Variants in TEX15 observed in about 807,000 individuals in gnomAD.
TEX15 encodes the protein testis-expressed protein 15.
A neutral mutation model predicts 237.3 loss-of-function variants in TEX15; 171 were observed. The ratio of observed to expected loss-of-function variants is 0.72; its 90% confidence interval spans 0.64 to 0.82. The LOEUF (loss-of-function observed/expected upper bound fraction) is 0.82. Among genes scored for constraint, TEX15 ranks in the 40% least tolerant of loss-of-function variants. TEX15 has a pLI of 0.00. For synonymous variants in TEX15, 1,338 were observed against 1,269.8 expected (o/e 1.05, Z -1.14); for missense variants, 3,750 against 3,646.5 (o/e 1.03, Z -0.73).
chr8:30,884,010 C>G (rs1435231390), intron 3 of TEX15, among the ~76,000 whole-genome samples: 4 of 152,096 alleles, frequency 2.6e-5, no homozygotes, highest in Non-Finnish European at 4.4e-5. Context: ...CTCAGCTTCC[C>G]AAGCAGCTAG....
intron 5 of TEX15, among the ~76,000 whole-genome samples, chr8:30,865,803 T>C (rs1808151441): frequency 6.6e-6 from 1 of 152,044 alleles, no homozygotes; most frequent in South Asian, 2.1e-4. Flanking sequence ...CTCAAAACAA[T>C]AAAACTCATA....
rs1807517570 is a variant in TEX15 at position 30,843,624 on chromosome 8, C to T, written c.6543G>A (p.Glu2181=). The change falls in exon 8 of 11, where the codon GAG becomes GAA. Residue 2181 remains glutamate (E), a synonymous_variant. Coordinates refer to ENST00000643185, the MANE Select transcript of TEX15 (RefSeq NM_001350162.2). ...RQVNECEAIM[E]HCSDCFDFSL... ...AAAAATCAAAGCAATCGGAACAATG[C>T]TCCATTATGGCTTCACATTCATTAA... 6.2e-7 allele frequency: 1 copy of T among 1,612,836 alleles called. No homozygotes were observed. Among genetic ancestry groups the T allele is most frequent in the South Asian group, 1.1e-5 (1 of 91,020 alleles).
At chr8:30,840,038 A>G (rs1807414797) in intron 8 of TEX15, 74 bp from the exon 9 acceptor site, 1 of 884,018 alleles carries the variant, frequency 1.1e-6, no homozygotes, top group East Asian at 3.0e-5. Context: ...TTATTTCAAT[A>G]TTAGATATTT....
chr8:30,903,053 C>T (rs1017872708), intron 1 of TEX15, among the ~76,000 whole-genome samples: 3 of 152,168 alleles, frequency 2.0e-5, no homozygotes, highest in Non-Finnish European at 2.9e-5. Context: ...TATGTTGAAT[C>T]AACCAACCTC....
Position 30,889,460 on chromosome 8 carries a change from A to T in TEX15, c.-9-2149T>A, listed in dbSNP as rs541698979. Among the ~76,000 whole-genome samples, 43 of 152,296 alleles carry T rather than the reference A, an allele frequency of 2.8e-4. No individual in the cohort carries two copies. In the East Asian group the frequency reaches 7.7e-3, roughly 27 times the overall value. On this transcript the variant is annotated intron_variant, in intron 2 of 10. Transcript: ENST00000643185. ...GTATGAGACTCCGGCTCAAAGAAAA[A>T]AAAATTACATATTCAAGAAAGCTCA...
intron 1 of TEX15, among the ~76,000 whole-genome samples, chr8:30,911,798 G>A (rs1239307617): frequency 6.6e-6 from 1 of 152,112 alleles, no homozygotes; most frequent in African/African-American, 2.4e-5. Flanking sequence ...CATTCCAAAC[G>A]CGGAAACTCA....
chr8:30,864,347 C>T (rs1054819983), intron 5 of TEX15, among the ~76,000 whole-genome samples: 1 of 147,694 alleles, frequency 6.8e-6, no homozygotes, highest in Non-Finnish European at 1.5e-5. Flanking sequence ...AGCGTAAGAA[C>T]ATATATGCTG....
chr8:30,898,160 C>G (rs1808940766), intron 2 of TEX15, among the ~76,000 whole-genome samples: 1 of 152,160 alleles, frequency 6.6e-6, no homozygotes, highest in African/African-American at 2.4e-5. Context: ...ATTTTTCTAT[C>G]TCCAGCACAA....
Position 30,846,010 on chromosome 8 carries a change from T to C in TEX15, c.4157A>G (p.His1386Arg), listed in dbSNP as rs1807595393. 6.2e-7 allele frequency: 1 copy of C among 1,612,896 alleles called. No homozygotes were observed. The highest frequency in any genetic ancestry group is 1.3e-5 in the African/African-American group (1 of 74,836). ...LSRKLDKAVVHLKKAHRRVHT... is the reference protein window; with the variant it reads ...LSRKLDKAVVRLKKAHRRVHT... Reference sequence around the variant, plus strand: ...AACTCTTCTATGAGCTTTTTTTAAGTGAACAACTGCTTTGTCTAGTTTTCT... The same window carrying C: ...AACTCTTCTATGAGCTTTTTTTAAGCGAACAACTGCTTTGTCTAGTTTTCT... Residue 1386 changes from histidine (H) to arginine (R), a missense_variant, in exon 8 of 11, where the codon CAC (histidine) becomes CGC (arginine). Transcript: ENST00000643185.
chr8:30,907,398 T>C (rs57392360), intron 1 of TEX15, among the ~76,000 whole-genome samples: 15,845 of 151,074 alleles, frequency 0.1, 1,314 homozygotes, highest in African/African-American at 0.23. Context: ...CTTGAGTATC[T>C]AGGACTACAG....
rs764159518 is a variant in TEX15, at chr8:30,843,677, A to T, written c.6490T>A (p.Tyr2164Asn). The change falls in exon 8 of 11, where the codon TAT (tyrosine) becomes AAT (asparagine). Residue 2164 changes from tyrosine (Y) to asparagine (N), a missense_variant. Physicochemically the swap from Tyr to Asn is moderately radical, Grantham distance 143 (BLOSUM62 -2). Transcript: ENST00000643185. ...TGTCGTTTGTACTTTAAGAATACAT[A>T]GTATGAATTCTTTTCCCTTTTTGTT... ...EETKREKNSY[Y>N]VFLKYKRQVN... 15 of 1,612,424 alleles carry T rather than the reference A, an allele frequency of 9.3e-6. No homozygotes were observed. Among genetic ancestry groups the T allele is most frequent in the Non-Finnish European group, 1.3e-5 (15 of 1,179,444 alleles).
In TEX15 at chr8:30,844,664, C is replaced by T. The variant is rs773917142; in HGVS notation, c.5503G>A (p.Val1835Met). 1 of 1,613,304 alleles carries T rather than the reference C, an allele frequency of 6.2e-7. No individual in the cohort carries two copies. The change falls in exon 8 of 11, where the codon GTG becomes ATG. Residue 1835 changes from valine to methionine, a missense_variant. Physicochemically the swap from Val to Met is conservative, Grantham distance 21. Transcript: ENST00000643185. Reference sequence around the variant, plus strand: ...ATTCTGTCCTCAGTGTCTTTCTTCACAATACATGTTTCTGAAGAGGAGCCT... The same window carrying T: ...ATTCTGTCCTCAGTGTCTTTCTTCATAATACATGTTTCTGAAGAGGAGCCT... ...VKGSSSETCI[V>M]KKDTEDRITW...
Position 30,837,141 on chromosome 8 carries a change from T to C in TEX15, c.9143A>G (p.Gln3048Arg). 1 of 1,614,072 alleles carries C rather than the reference T, an allele frequency of 6.2e-7. No homozygotes were observed. Among genetic ancestry groups the C allele is most frequent in the Non-Finnish European group, 8.5e-7 (1 of 1,179,930 alleles). The change falls in exon 10 of 11, where the codon CAG (glutamine) becomes CGG (arginine). Residue 3048 changes from glutamine (Q) to arginine (R), a missense_variant. Coordinates refer to ENST00000643185, the MANE Select transcript of TEX15 (RefSeq NM_001350162.2). ...GGCATTGCCATTGCTGTTGCTGTAC[T>C]GATAAACACACCAAGCAGAGTATGG... The part of the protein sequence containing the change: ...SYPYSAWCVY[Q>R]YSNSNGNAIT...
At chr8:30,893,221 T>C (rs750548705) in intron 2 of TEX15, among the ~76,000 whole-genome samples, 36 of 152,166 alleles carry the variant, frequency 2.4e-4, no homozygotes, top group Non-Finnish European at 4.6e-4. Context: ...TTAAATAATA[T>C]GTCCAAGGAC....
intron 2 of TEX15, among the ~76,000 whole-genome samples, chr8:30,894,403 G>A (rs574042717): frequency 9.2e-5 from 14 of 152,236 alleles, no homozygotes; most frequent in African/African-American, 2.9e-4. Flanking sequence ...GTGTGTTATC[G>A]TTTGTTTATA....
At chr8:30,907,675 A>G (rs1275468556) in intron 1 of TEX15, among the ~76,000 whole-genome samples, 3 of 137,652 alleles carry the variant, frequency 2.2e-5, no homozygotes, top group Non-Finnish European at 4.8e-5. Context: ...TATATAAATT[A>G]TATATAAAAT....
chr8:30,866,356 G>GAGAA (rs1357309285), intron 5 of TEX15, among the ~76,000 whole-genome samples: 1 of 146,986 alleles, frequency 6.8e-6, no homozygotes, highest in African/African-American at 2.6e-5. Flanking sequence ...AAGGAGAAAG[G>GAGAA]AGAAAGGGGA....
chr8:30,832,213 AACACAAAAAGTTTGCTT>A lies in TEX15; in HGVS notation c.*1056_*1072del. ...GTCTTTTCAAAGGCCTGTGCCAGAT[AACACAAAAAGTTTGCTT>A]ACATAAAAAGTTTGCAAAAGCACTG... On this transcript the variant is annotated 3_prime_UTR_variant, in exon 11 of 11. Transcript: ENST00000643185. 1 of 152,254 alleles carries A rather than the reference AACACAAAAAGTTTGCTT, an allele frequency of 6.6e-6. No homozygotes were observed. Among genetic ancestry groups the A allele is most frequent in the Non-Finnish European group, 1.5e-5 (1 of 68,036 alleles). 9.4% of individuals were successfully genotyped at this position (152,254 alleles called of 1,614,324 possible). A position where few individuals can be genotyped will look rare whatever the true frequency, so the allele number is the denominator to read the frequency against.
Position 30,847,113 on chromosome 8 carries a change from A to C in TEX15, c.3054T>G (p.Phe1018Leu), listed in dbSNP as rs770837302. 8 of 1,613,600 alleles carry C rather than the reference A, an allele frequency of 5.0e-6. No homozygotes were observed. In the East Asian group the frequency reaches 1.6e-4, roughly 31 times the overall value. ...AAACCCTATGTTTTACTAACAAACC[A>C]AAATCTGGACTTTCAGAAGAACAAG... ...KETCSSESPD[F>L]GLLVKHRVSD... Residue 1018 changes from phenylalanine to leucine, a missense_variant, in exon 8 of 11, where the codon TTT becomes TTG. Coordinates refer to ENST00000643185, the MANE Select transcript of TEX15 (RefSeq NM_001350162.2).
Sources: gnomAD v4.1 joint callset for allele counts (sites outside exome capture counted in the v4.1 genomes callset) on GRCh38, gnomAD v4.1.1 for gene constraint, MANE v1.5 for transcripts, NCBI Gene and HGNC (gene_info 2026-07-23, HGNC 2026-07-21) for gene names.